The following PTPRQ variants were observed in gnomAD, a reference collection of about 807,000 sequenced individuals.
PTPRQ encodes the protein protein tyrosine phosphatase receptor type Q.
In PTPRQ, 199 loss-of-function variants were observed where a neutral mutation model predicts 246.0. The observed-to-expected ratio is 0.81, with a 90% confidence interval of 0.72 to 0.91. The LOEUF (loss-of-function observed/expected upper bound fraction) is 0.91. PTPRQ is among the 40% of genes least tolerant of loss of function. The pLI is 0.00. For synonymous variants in PTPRQ, 869 were observed against 853.2 expected (o/e 1.02, Z -0.32); for missense variants, 2,624 against 2,528.4 (o/e 1.04, Z -0.81).
At chr12:80,672,524 A>G (rs1370831780) in intron 42 of PTPRQ, among the ~76,000 whole-genome samples, 4 of 151,900 alleles carry the variant, frequency 2.6e-5, no homozygotes, top group Non-Finnish European at 1.5e-5. Context: ...TTAATTTCCT[A>G]GGAATCTTGT....
At chr12:80,648,677 T>C (rs1565840586) in intron 35 of PTPRQ, among the ~76,000 whole-genome samples, 1 of 152,084 alleles carries the variant, frequency 6.6e-6, no homozygotes, top group Non-Finnish European at 1.5e-5. Flanking sequence ...CAACATCTTT[T>C]CAGCTCGAGA....
At chr12:80,523,219 G>T (rs1268033530) in intron 17 of PTPRQ, among the ~76,000 whole-genome samples, 4 of 151,922 alleles carry the variant, frequency 2.6e-5, no homozygotes, top group South Asian at 2.1e-4. Context: ...ATCCCCTTTA[G>T]CATTTTTTAT....
chr12:80,631,693 T>G (rs902515798), intron 33 of PTPRQ, among the ~76,000 whole-genome samples: 7 of 152,174 alleles, frequency 4.6e-5, no homozygotes. Context: ...CTCACATGTT[T>G]TGGATGTATT....
intron 17 of PTPRQ, among the ~76,000 whole-genome samples, chr12:80,520,620 T>C (rs1895449249): frequency 6.6e-6 from 1 of 151,384 alleles, no homozygotes; most frequent in African/African-American, 2.4e-5. Context: ...GTTTGGTTTT[T>C]TGTCCTTGTG....
chr12:80,650,316 GT>G (rs34306935), intron 37 of PTPRQ, among the ~76,000 whole-genome samples: 9,622 of 148,988 alleles, frequency 0.065, 382 homozygotes, highest in South Asian at 0.19. Context: ...GTTGGGAATA[GT>G]TTTTTTTTTA....
chr12:80,468,690 A>C lies in PTPRQ; in HGVS notation c.911-20A>C. 6.6e-7 allele frequency: 1 copy of C among 1,516,328 alleles called. No individual in the cohort carries two copies. The highest frequency in any genetic ancestry group is 8.8e-7 in the Non-Finnish European group (1 of 1,133,070). The allele number at this position is 1,516,328 out of a possible 1,614,324, so 93.9% of individuals were successfully genotyped here. On this transcript the variant is annotated intron_variant, in intron 6 of 44. Transcript: ENST00000644991. Reference sequence around the variant, plus strand: ...CATTTTAAATATATGTTATGTATTTATTTTCTATAATTATTTTAGTGCCTG... The same window carrying C: ...CATTTTAAATATATGTTATGTATTTCTTTTCTATAATTATTTTAGTGCCTG...
chr12:80,488,934 C>G (rs1186287297), intron 9 of PTPRQ, among the ~76,000 whole-genome samples: 4 of 151,984 alleles, frequency 2.6e-5, no homozygotes, highest in Non-Finnish European at 5.9e-5. Context: ...AACTTCCACA[C>G]TTATATATGT....
At position 80,542,757 on chromosome 12, in the gene PTPRQ, C is replaced by T. The variant is rs1896192053; in HGVS notation, c.3749C>T (p.Thr1250Ile). 5 of 1,546,888 alleles carry T rather than the reference C, an allele frequency of 3.2e-6. No homozygotes were observed. The highest frequency in any genetic ancestry group is 3.3e-4 in the Middle Eastern group (2 of 6,000). The change falls in exon 23 of 45, where the codon ACT becomes ATT. Residue 1250 changes from threonine to isoleucine, a missense_variant. Coordinates refer to ENST00000644991, the MANE Select transcript of PTPRQ (RefSeq NM_001145026.2). ...CCGTTAGCACCTCCACAAAATTTGACTTTAATCAACTGTACTTCAGACTTT... is the reference window on the plus strand; with the variant it reads ...CCGTTAGCACCTCCACAAAATTTGATTTTAATCAACTGTACTTCAGACTTT... ...SVPLAPPQNL[T>I]LINCTSDFVW...
chr12:80,661,870 T>C (rs186239652), intron 39 of PTPRQ, among the ~76,000 whole-genome samples: 2 of 151,868 alleles, frequency 1.3e-5, no homozygotes, highest in Non-Finnish European at 1.5e-5. Context: ...ACAAATAGTA[T>C]TCAAAATGAC....
chr12:80,549,685 TG>T lies in PTPRQ; in HGVS notation c.4238del (p.Gly1413ValfsTer36). 1 of 1,551,038 alleles carries T rather than the reference TG, an allele frequency of 6.4e-7. No homozygotes were observed. The highest frequency in any genetic ancestry group is 8.7e-7 in the Non-Finnish European group (1 of 1,146,512). ...VFKVRASTSA[G>X]EGDESTCHVS... ...TTAAAGTAAGAGCTTCAACCTCAGC[TG>T]GTGAAGGTGATGAAAGCACATGCCA... On this transcript the variant is annotated frameshift_variant, in exon 25 of 45. Transcript: ENST00000644991. LOFTEE classifies it high-confidence loss of function.
chr12:80,645,647 T>C (rs1472601241), intron 35 of PTPRQ, among the ~76,000 whole-genome samples: 1 of 151,946 alleles, frequency 6.6e-6, no homozygotes, highest in African/African-American at 2.4e-5. Context: ...ACATAGAAGA[T>C]GATTTGTCCT....
At chr12:80,601,119 C>A (rs1399667540) in intron 26 of PTPRQ, among the ~76,000 whole-genome samples, 1 of 151,808 alleles carries the variant, frequency 6.6e-6, no homozygotes, top group Non-Finnish European at 1.5e-5. Context: ...AATAGTAACG[C>A]CCTAAGCATC....
chr12:80,486,941 T>C (rs1176636698), intron 9 of PTPRQ, among the ~76,000 whole-genome samples: 2 of 152,292 alleles, frequency 1.3e-5, no homozygotes, highest in East Asian at 1.9e-4. Context: ...TACTGTGACA[T>C]TGCAATTCTT....
chr12:80,542,968 C>G, intron 23 of PTPRQ, 87 bp downstream of exon 23: 2 of 883,808 alleles, frequency 2.3e-6, no homozygotes, highest in Non-Finnish European at 3.2e-6. Context: ...AAATGGACTA[C>G]TAAATTAAAC....
intron 6 of PTPRQ, among the ~76,000 whole-genome samples, chr12:80,467,199 C>G (rs543638711): frequency 7.2e-5 from 11 of 152,050 alleles, no homozygotes; most frequent in Non-Finnish European, 1.3e-4. Flanking sequence ...GGGCGAAGGA[C>G]ATGAACAGAC....
In PTPRQ at chr12:80,633,323, G is replaced by C. The variant is rs529285790; in HGVS notation, c.5786+1032G>C. 1.2e-4 allele frequency among the ~76,000 whole-genome samples: 19 copies of C among 152,276 alleles called. No homozygotes were observed. The South Asian group carries it at 3.1e-3, about 25-fold the overall frequency. Reference sequence around the variant, plus strand: ...TAGAACAACACTTGTAAAATATCCAGCTTCCTTATATGGTAGACCCCCTTC... The same window carrying C: ...TAGAACAACACTTGTAAAATATCCACCTTCCTTATATGGTAGACCCCCTTC... On this transcript the variant is annotated intron_variant, in intron 34 of 44. Coordinates refer to ENST00000644991, the MANE Select transcript of PTPRQ (RefSeq NM_001145026.2).
chr12:80,492,936 G>T (rs1894493149), intron 9 of PTPRQ, among the ~76,000 whole-genome samples: 1 of 151,802 alleles, frequency 6.6e-6, no homozygotes, highest in East Asian at 1.9e-4. Flanking sequence ...TTACCATTTG[G>T]GGGTGATCAG....
intron 14 of PTPRQ, among the ~76,000 whole-genome samples, chr12:80,504,367 G>T (rs190137162): frequency 2.0e-5 from 3 of 151,414 alleles, no homozygotes; most frequent in Non-Finnish European, 3.0e-5. Flanking sequence ...AACTTGCTTG[G>T]TTATTTAATA....
Position 80,679,082 on chromosome 12 carries a change from C to T in PTPRQ, c.*59C>T. 1.3e-6 allele frequency: 2 copies of T among 1,521,896 alleles called. No homozygotes were observed. The highest frequency in any genetic ancestry group is 1.8e-6 in the Non-Finnish European group (2 of 1,134,988). 94.3% of individuals were successfully genotyped at this position (1,521,896 alleles called of 1,614,324 possible). A position where few individuals can be genotyped will look rare whatever the true frequency, so the allele number is the denominator to read the frequency against. ...TTTTAAATCCCAGGGGCCAAAGTTACCCCCTCATTCTTCCGAATTGAAATG... is the reference window on the plus strand; with the variant it reads ...TTTTAAATCCCAGGGGCCAAAGTTATCCCCTCATTCTTCCGAATTGAAATG... On this transcript the variant is annotated 3_prime_UTR_variant, in exon 45 of 45. Coordinates refer to ENST00000644991, the MANE Select transcript of PTPRQ (RefSeq NM_001145026.2).
Sources: allele counts gnomAD v4.1 joint callset (sites outside exome capture counted in the v4.1 genomes callset), GRCh38; gene constraint gnomAD v4.1.1; transcripts MANE v1.5; gene names NCBI Gene and HGNC (gene_info 2026-07-23, HGNC 2026-07-21).